OCA2: variants seen among roughly 807,000 people sequenced by gnomAD.
OCA2 encodes OCA2 melanosomal transmembrane protein.
A neutral mutation model predicts 100.2 loss-of-function variants in OCA2; 77 were observed. The observed-to-expected ratio is 0.77, with a 90% CI of 0.64 to 0.93. OCA2 has a LOEUF of 0.93. OCA2 is among the 40% of genes least tolerant of loss of function. OCA2 has a pLI of 0.00. For synonymous variants in OCA2, 432 were observed against 439.2 expected (o/e 0.98, Z 0.21); for missense variants, 1,062 against 1,089.1 (o/e 0.98, Z 0.35).
At chr15:28,073,178 C>T (rs1336391962) in intron 2 of OCA2, among the ~76,000 whole-genome samples, 6 of 152,138 alleles carry the variant, frequency 3.9e-5, no homozygotes, top group Admixed American at 2.6e-4. Flanking sequence ...CTTTGGGAGG[C>T]GGAGGTGGGC....
intron 17 of OCA2, among the ~76,000 whole-genome samples, chr15:27,954,735 A>C (rs1188562842): frequency 6.6e-6 from 1 of 150,592 alleles, no homozygotes; most frequent in African/African-American, 2.4e-5. Flanking sequence ...GCTCTGCCCC[A>C]GGAAGTCACA....
chr15:28,012,366 C>A (rs1489542484), intron 9 of OCA2, among the ~76,000 whole-genome samples: 1 of 151,892 alleles, frequency 6.6e-6, no homozygotes, highest in Admixed American at 6.6e-5. Context: ...GAAAGATTGC[C>A]AGGGAACGGA....
intron 23 of OCA2, among the ~76,000 whole-genome samples, chr15:27,769,709 C>T (rs574684045): frequency 6.6e-6 from 1 of 152,354 alleles, no homozygotes; most frequent in South Asian, 2.1e-4. Context: ...ATTTGGCTGT[C>T]GCCCTTCTAC....
the OCA2 span, among the ~76,000 whole-genome samples, chr15:27,744,344 G>A: frequency 6.6e-6 from 1 of 152,172 alleles, no homozygotes; most frequent in African/African-American, 2.4e-5. Flanking sequence ...ACTTGACATT[G>A]ACAATAAGGG....
Position 28,081,668 on chromosome 15 carries a change from A to C in OCA2, c.207T>G (p.Ala69=). 1 of 1,613,824 alleles carries C rather than the reference A, an allele frequency of 6.2e-7. No homozygotes were observed. Among genetic ancestry groups the C allele is most frequent in the Non-Finnish European group, 8.5e-7 (1 of 1,180,018 alleles). The change falls in exon 2 of 24, where the codon GCT becomes GCG. Residue 69 remains alanine (A), a synonymous_variant. Transcript: ENST00000354638. ...SSWAPAGQEF[A]SFLTKGRSHS... is the part of the protein sequence containing the mutation. Reference sequence around the variant, plus strand: ...CTCACCTCCCTTTTGTGAGGAATGAAGCAAACTCCTGGCCTGCAGGAGCCC... The same window carrying C: ...CTCACCTCCCTTTTGTGAGGAATGACGCAAACTCCTGGCCTGCAGGAGCCC...
intron 2 of OCA2, among the ~76,000 whole-genome samples, chr15:28,076,620 G>A (rs2044433960): frequency 6.6e-6 from 1 of 151,782 alleles, no homozygotes; most frequent in Non-Finnish European, 1.5e-5. Context: ...GGCCGAGGCG[G>A]GTGGATCATG....
chr15:27,914,567 A>G (rs1299168125), intron 19 of OCA2, among the ~76,000 whole-genome samples: 1 of 152,200 alleles, frequency 6.6e-6, no homozygotes. Context: ...AAACACCAAC[A>G]ACATTCAAGC....
Position 27,966,678 on chromosome 15 carries a change from A to G in OCA2, c.1636+12T>C. On this transcript the variant is annotated intron_variant, in intron 15 of 23. Transcript: ENST00000354638. ...GAAATCTGAGCCTACATGAGGTTGC[A>G]CTTGTACTCACCAACAATCTCACTG... The G allele has an allele frequency of 6.2e-7, 1 of 1,613,886 alleles. No individual in the cohort carries two copies. Among genetic ancestry groups the G allele is most frequent in the Non-Finnish European group, 8.5e-7 (1 of 1,179,904 alleles).
At chr15:27,942,901 AT>A (rs1270968421) in intron 18 of OCA2, among the ~76,000 whole-genome samples, 3 of 152,196 alleles carry the variant, frequency 2.0e-5, no homozygotes, top group African/African-American at 7.2e-5. Context: ...TCTCTTGGAT[AT>A]TTACATTCAT....
chr15:27,924,177 G>A (rs1016828089), intron 19 of OCA2, among the ~76,000 whole-genome samples: 1 of 152,086 alleles, frequency 6.6e-6, no homozygotes, highest in Non-Finnish European at 1.5e-5. Flanking sequence ...TAGGTGTACA[G>A]CCTTATTTCT....
intron 2 of OCA2, among the ~76,000 whole-genome samples, chr15:28,058,974 G>A (rs571106108): frequency 6.6e-6 from 1 of 152,340 alleles, no homozygotes; most frequent in African/African-American, 2.4e-5. Context: ...GACAGCTCTG[G>A]TGCTGGATGA....
chr15:28,057,573 TC>T (rs2043740808), intron 2 of OCA2, among the ~76,000 whole-genome samples: 3 of 151,850 alleles, frequency 2.0e-5, no homozygotes, highest in East Asian at 1.9e-4. Context: ...GAATGTCTGC[TC>T]CCCACCAAGA....
chr15:27,890,981 C>T (rs535917900), intron 19 of OCA2, among the ~76,000 whole-genome samples: 147 of 150,948 alleles, frequency 9.7e-4, no homozygotes, highest in Non-Finnish European at 1.9e-3. Context: ...GCCAAGATTG[C>T]ACCACTGCAC....
At chr15:28,036,950 G>A (rs17680684) in intron 2 of OCA2, among the ~76,000 whole-genome samples, 18,485 of 151,892 alleles carry the variant, frequency 0.12, 1,329 homozygotes, top group Middle Eastern at 0.25. Context: ...ATACAGAGCC[G>A]GTAACAAGGA....
At chr15:27,725,742 G>T in the OCA2 span, among the ~76,000 whole-genome samples, 5 of 152,104 alleles carry the variant, frequency 3.3e-5, no homozygotes, top group Admixed American at 2.0e-4. Flanking sequence ...CTGCCTGCAG[G>T]GTCTTCCTTC....
chr15:27,890,857 C>A (rs2037429486), intron 19 of OCA2, among the ~76,000 whole-genome samples: 1 of 152,036 alleles, frequency 6.6e-6, no homozygotes. Flanking sequence ...GAAACCCTGT[C>A]TCTACTAAAA....
intron 5 of OCA2, among the ~76,000 whole-genome samples, chr15:28,024,203 G>A (rs1459999006): frequency 6.6e-6 from 1 of 152,174 alleles, no homozygotes; most frequent in Non-Finnish European, 1.5e-5. Context: ...CCCCTCCAAT[G>A]AAGAACAGCA....
chr15:27,723,910 T>C, the OCA2 span, among the ~76,000 whole-genome samples: 97,982 of 151,424 alleles, frequency 0.65, 31,862 homozygotes, highest in African/African-American at 0.67. Context: ...CCCTTCTGCG[T>C]GCACAACCTC....
intron 2 of OCA2, among the ~76,000 whole-genome samples, chr15:28,076,963 T>C (rs1037631941): frequency 2.0e-5 from 3 of 151,766 alleles, no homozygotes; most frequent in African/African-American, 7.3e-5. Context: ...ACAAAAAAAA[T>C]TGATTCAAAA....
Sources: allele counts gnomAD v4.1 joint callset (sites outside exome capture counted in the v4.1 genomes callset), GRCh38; gene constraint gnomAD v4.1.1; transcripts MANE v1.5; gene names NCBI Gene and HGNC (gene_info 2026-07-23, HGNC 2026-07-21).